GPC6: variants seen among roughly 807,000 people sequenced by gnomAD.
The protein encoded by GPC6 is glypican 6.
In GPC6, 14 loss-of-function variants were observed where a neutral mutation model predicts 55.2. The ratio of observed to expected loss-of-function variants is 0.25; its 90% CI spans 0.17 to 0.40. The LOEUF is 0.40. Ranked by LOEUF, GPC6 falls within the 10% of genes least tolerant of loss-of-function variation. The pLI, the probability that GPC6 is intolerant of heterozygous loss-of-function variation, is 1.00. For missense variants in GPC6, 641 were observed against 708.5 expected (o/e 0.90, Z 1.08); for synonymous variants, 278 against 259.6 (o/e 1.07, Z -0.68).
chr13:93,547,388 G>A (rs778761543), intron 2 of GPC6, among the ~76,000 whole-genome samples: 6 of 151,764 alleles, frequency 4.0e-5, no homozygotes, highest in Non-Finnish European at 8.8e-5. Flanking sequence ...AAAACAAGAC[G>A]AGCCTTATAC....
chr13:94,225,668 C>CATATATATATATATATAT (rs1355465459), intron 4 of GPC6, among the ~76,000 whole-genome samples: 15 of 97,492 alleles, frequency 1.5e-4, no homozygotes, highest in African/African-American at 5.4e-4. Flanking sequence ...GTAAAGTATA[C>CATATATATATATATATAT]ACATATATAT....
At chr13:93,424,145 G>C (rs751213708) in intron 1 of GPC6, among the ~76,000 whole-genome samples, 6 of 152,192 alleles carry the variant, frequency 3.9e-5, no homozygotes, top group Non-Finnish European at 8.8e-5. Context: ...TATCTCAAGA[G>C]AGAGAAAGAA....
chr13:93,661,316 C>T (rs965875074), intron 2 of GPC6, among the ~76,000 whole-genome samples: 1 of 152,098 alleles, frequency 6.6e-6, no homozygotes, highest in Non-Finnish European at 1.5e-5. Flanking sequence ...TGGTTTCAAG[C>T]GATTCTCCTG....
At chr13:93,557,951 A>C (rs1875568935) in intron 2 of GPC6, among the ~76,000 whole-genome samples, 1 of 152,114 alleles carries the variant, frequency 6.6e-6, no homozygotes, top group Non-Finnish European at 1.5e-5. Flanking sequence ...AACAGTCTAC[A>C]GTCTTTTCTT....
At chr13:93,794,327 A>G (rs937274427) in intron 2 of GPC6, among the ~76,000 whole-genome samples, 1 of 152,190 alleles carries the variant, frequency 6.6e-6, no homozygotes, top group Non-Finnish European at 1.5e-5. Flanking sequence ...TAGAAATGCA[A>G]ATTCTCAGGT....
At chr13:94,243,580 T>A (rs1314629378) in intron 4 of GPC6, among the ~76,000 whole-genome samples, 21 of 152,188 alleles carry the variant, frequency 1.4e-4, no homozygotes, top group Admixed American at 1.3e-3. Flanking sequence ...TCACTACCTG[T>A]TTCAAAGGAT....
chr13:94,229,200 T>C (rs1169013091), intron 4 of GPC6, among the ~76,000 whole-genome samples: 1 of 152,208 alleles, frequency 6.6e-6, no homozygotes, highest in African/African-American at 2.4e-5. Flanking sequence ...ATTTAATTAT[T>C]CCTTTCATTA....
chr13:93,298,932 G>A (rs1410113607), intron 1 of GPC6, among the ~76,000 whole-genome samples: 1 of 150,382 alleles, frequency 6.6e-6, no homozygotes, highest in Non-Finnish European at 1.5e-5. Flanking sequence ...GTCACATGGT[G>A]TCTCATGTAA....
At chr13:93,912,914 A>G (rs571616785) in intron 3 of GPC6, among the ~76,000 whole-genome samples, 48 of 151,966 alleles carry the variant, frequency 3.2e-4, no homozygotes, top group African/African-American at 1.1e-3. Flanking sequence ...TAGTTGTATC[A>G]CTTTAGTCTC....
intron 1 of GPC6, 53 bp from the exon 2 acceptor site, chr13:93,545,210 C>T: frequency 4.1e-6 from 6 of 1,462,500 alleles, no homozygotes; most frequent in Middle Eastern, 1.7e-4. Flanking sequence ...AAATCTCTAA[C>T]GTCTACCAAA....
Position 94,382,696 on chromosome 13 carries a change from GT to G in GPC6, c.1289+147del, listed in dbSNP as rs1034942987. Reference sequence around the variant, plus strand: ...CATCACTTAGCAACAGCTGTTGAGAGTGACAGGTTTGATGGGCACCTGGGAG... The same window carrying G: ...CATCACTTAGCAACAGCTGTTGAGAGGACAGGTTTGATGGGCACCTGGGAG... On this transcript the variant is annotated intron_variant, in intron 7 of 8. Transcript: ENST00000377047. 1.1e-5 allele frequency: 12 copies of G among 1,093,690 alleles called. No homozygotes were observed. In the African/African-American group the frequency reaches 1.9e-4, roughly 17 times the overall value. The allele number at this position is 1,093,690 out of a possible 1,614,324, so 67.7% of individuals were successfully genotyped here.
rs886082092 is a variant in GPC6 at position 93,861,513 on chromosome 13, C to T, written c.711+30968C>T. On this transcript the variant is annotated intron_variant, in intron 3 of 8. Coordinates refer to ENST00000377047, the MANE Select transcript of GPC6 (RefSeq NM_005708.5). ...AGACAGCCACTGAATGTAGATAGGA[C>T]GGGCAAATAACAGGAAGCTCAGAAC... 5.9e-5 allele frequency among the ~76,000 whole-genome samples: 9 copies of T among 151,358 alleles called. No individual in the cohort carries two copies. The South Asian group carries it at 8.3e-4, about 14-fold the overall frequency.
chr13:93,304,973 C>T (rs1164749003), intron 1 of GPC6, among the ~76,000 whole-genome samples: 2 of 152,214 alleles, frequency 1.3e-5, no homozygotes, highest in African/African-American at 4.8e-5. Flanking sequence ...TATCCTCCAG[C>T]CTTCATTCCT....
In GPC6 at chr13:94,050,922, G is replaced by A. The variant is rs537880725; in HGVS notation, c.877+23028G>A. On this transcript the variant is annotated intron_variant, in intron 4 of 8. Transcript: ENST00000377047. Reference sequence around the variant, plus strand: ...CATTTGTAATCTAGCTAGTAGTGTCGTAAATGCATCCTATTGGTCATGAGC... The same window carrying A: ...CATTTGTAATCTAGCTAGTAGTGTCATAAATGCATCCTATTGGTCATGAGC... Among the ~76,000 whole-genome samples, 37 of 152,198 alleles carry A rather than the reference G, an allele frequency of 2.4e-4. 1 individual carries two copies. The highest frequency in any genetic ancestry group is 7.7e-4 in the African/African-American group (32 of 41,550).
chr13:93,547,118 C>G (rs191964726), intron 2 of GPC6, among the ~76,000 whole-genome samples: 103 of 147,628 alleles, frequency 7.0e-4, no homozygotes, highest in African/African-American at 2.6e-3. Flanking sequence ...ATCATGAGGT[C>G]AAGAGATTGA....
chr13:93,805,684 C>T (rs554172959), intron 2 of GPC6, among the ~76,000 whole-genome samples: 5 of 152,196 alleles, frequency 3.3e-5, no homozygotes, highest in African/African-American at 1.2e-4. Flanking sequence ...TATTTGTTTG[C>T]GTATTCTAAA....
chr13:93,490,499 CTTTTTTTTTT>C (rs1295689738), intron 1 of GPC6, among the ~76,000 whole-genome samples: 1 of 18,328 alleles, frequency 5.5e-5, no homozygotes, highest in South Asian at 2.4e-3. Context: ...ATTTTTTTTT[CTTTTTTTTTT>C]TTGAGTTTTT....
At chr13:93,398,222 C>T (rs1269229119) in intron 1 of GPC6, among the ~76,000 whole-genome samples, 3 of 152,166 alleles carry the variant, frequency 2.0e-5, no homozygotes, top group Non-Finnish European at 2.9e-5. Context: ...GAAGCAAAAA[C>T]GTATGTTCTT....
At chr13:93,624,366 G>A (rs902577325) in intron 2 of GPC6, among the ~76,000 whole-genome samples, 2 of 152,146 alleles carry the variant, frequency 1.3e-5, no homozygotes, top group African/African-American at 4.8e-5. Context: ...AACACTGTGG[G>A]TTTGAAGGGG....
Sources: allele counts gnomAD v4.1 joint callset (sites outside exome capture counted in the v4.1 genomes callset), GRCh38; gene constraint gnomAD v4.1.1; transcripts MANE v1.5; gene names NCBI Gene and HGNC (gene_info 2026-07-23, HGNC 2026-07-21).